Variants in IMMT observed in about 807,000 individuals in gnomAD.
The protein encoded by IMMT is MICOS complex subunit MIC60.
IMMT carries 40 observed loss-of-function variants against 92.7 expected under a neutral mutation model. The observed-to-expected ratio is 0.43, with a 90% CI of 0.34 to 0.56. The LOEUF is 0.56. IMMT is among the 20% of genes least tolerant of loss of function. IMMT has a pLI of 0.03. For missense variants in IMMT, 831 were observed against 912.1 expected (o/e 0.91, Z 1.14); for synonymous variants, 322 against 336.1 (o/e 0.96, Z 0.46).
intron 8 of IMMT, 72 bp downstream of exon 8, chr2:86,161,904 T>C (rs977645291): frequency 2.2e-6 from 2 of 916,362 alleles, no homozygotes; most frequent in Admixed American, 2.0e-5. Context: ...ATACAGACAA[T>C]ACAAAGAAAA....
At chr2:86,171,184 A>T in intron 5 of IMMT, 24 bp downstream of exon 5, 1 of 1,557,542 alleles carries the variant, frequency 6.4e-7, no homozygotes, top group Non-Finnish European at 8.7e-7. Context: ...TGTATAAAAG[A>T]ACAAATAGAA....
At chr2:86,179,186 C>T (rs1346794309) in intron 3 of IMMT, among the ~76,000 whole-genome samples, 3 of 152,130 alleles carry the variant, frequency 2.0e-5, no homozygotes, top group Non-Finnish European at 2.9e-5. Flanking sequence ...ACAGCATTTA[C>T]AATGTATTAG....
chr2:86,184,679 G>A (rs1261268500), intron 1 of IMMT, among the ~76,000 whole-genome samples: 1 of 151,214 alleles, frequency 6.6e-6, no homozygotes, highest in Non-Finnish European at 1.5e-5. Flanking sequence ...ACCTTGAAGA[G>A]ACTGTGAGCA....
Position 86,195,379 on chromosome 2 carries a change from G to C in IMMT, c.4C>G (p.Leu2Val). M[L>V]RACQLSGVTA... Reference sequence around the variant, plus strand: ...ACACCCGATAACTGACAGGCCCGCAGCATCTCGGTCAAGCGGACGGCGCTG... The same window carrying C: ...ACACCCGATAACTGACAGGCCCGCACCATCTCGGTCAAGCGGACGGCGCTG... The change falls in exon 1 of 15, where the codon CTG becomes GTG. Residue 2 changes from leucine to valine, a missense_variant. By Grantham distance (32) the Leu-to-Val change is conservative. Coordinates refer to ENST00000410111, the MANE Select transcript of IMMT (RefSeq NM_006839.3). The C allele has an allele frequency of 1.9e-6, 3 of 1,549,222 alleles. No individual in the cohort carries two copies. The highest frequency in any genetic ancestry group is 2.4e-5 in the South Asian group (2 of 83,702).
At chr2:86,184,055 A>G (rs192921798) in intron 1 of IMMT, among the ~76,000 whole-genome samples, 2 of 152,362 alleles carry the variant, frequency 1.3e-5, no homozygotes, top group East Asian at 3.9e-4. Context: ...GCCCTCTAGT[A>G]ATATGAAAGT....
intron 14 of IMMT, among the ~76,000 whole-genome samples, chr2:86,145,513 AAAAAAG>A: frequency 6.6e-6 from 1 of 150,890 alleles, no homozygotes; most frequent in African/African-American, 2.5e-5. Flanking sequence ...AAAAAAAAAA[AAAAAAG>A]AAATGGGAGA....
intron 6 of IMMT, among the ~76,000 whole-genome samples, chr2:86,170,206 G>C (rs1676983642): frequency 6.6e-6 from 1 of 152,214 alleles, no homozygotes; most frequent in African/African-American, 2.4e-5. Flanking sequence ...CTTGAGCCCA[G>C]GAGTACGAGA....
intron 7 of IMMT, among the ~76,000 whole-genome samples, chr2:86,163,965 A>G (rs1416237967): frequency 1.3e-5 from 2 of 151,376 alleles, no homozygotes; most frequent in Non-Finnish European, 2.9e-5. Context: ...TCTCCAAAAA[A>G]AAAGAATGTT....
At chr2:86,175,057 A>G (rs1677338459) in intron 3 of IMMT, among the ~76,000 whole-genome samples, 1 of 152,200 alleles carries the variant, frequency 6.6e-6, no homozygotes, top group South Asian at 2.1e-4. Context: ...AGTGATTCAC[A>G]TTCTCATAAT....
Position 86,159,633 on chromosome 2 carries a change from G to A in IMMT, c.935C>T (p.Ala312Val), listed in dbSNP as rs1224706726. The change falls in exon 9 of 15, where the codon GCA becomes GTA. Residue 312 changes from alanine to valine, a missense_variant. Ala to Val is a moderately conservative substitution (Grantham distance 64). Coordinates refer to ENST00000410111, the MANE Select transcript of IMMT (RefSeq NM_006839.3). ...LEKMKSVIEN[A>V]KKKEVAGAKP... ...GGCCCCAGCAACCTCTTTTTTCTTT[G>A]CATTTTCAATCACACTTTTCATCTT... The A allele has an allele frequency of 7.0e-6, 11 of 1,578,170 alleles. No homozygotes were observed. Among genetic ancestry groups the A allele is most frequent in the Middle Eastern group, 1.7e-4 (1 of 5,874 alleles).
intron 12 of IMMT, among the ~76,000 whole-genome samples, chr2:86,148,625 A>T (rs13019073): frequency 0.44 from 66,419 of 151,964 alleles, 15,235 homozygotes; most frequent in Non-Finnish European, 0.51. Flanking sequence ...AAGAAAAAAG[A>T]AAAGAAAATT....
intron 1 of IMMT, chr2:86,195,073 G>C (rs982243526): frequency 2.5e-6 from 1 of 405,856 alleles, no homozygotes; most frequent in East Asian, 3.7e-5. Flanking sequence ...CGGGGGCAGC[G>C]CGGCCCTGAT....
At chr2:86,157,762 T>C (rs1573894523) in intron 10 of IMMT, among the ~76,000 whole-genome samples, 1 of 127,052 alleles carries the variant, frequency 7.9e-6, no homozygotes, top group Non-Finnish European at 1.6e-5. Context: ...CACTCCGGCC[T>C]GGGCAACAAG....
intron 13 of IMMT, 94 bp from the exon 14 acceptor site, chr2:86,146,291 G>A: frequency 9.8e-7 from 1 of 1,021,586 alleles, no homozygotes; most frequent in Non-Finnish European, 1.4e-6. Flanking sequence ...CTGAAGCAAA[G>A]AGGGCCTTAG....
At chr2:86,167,356 G>A (rs1286952905) in intron 6 of IMMT, among the ~76,000 whole-genome samples, 2 of 147,724 alleles carry the variant, frequency 1.4e-5, no homozygotes, top group African/African-American at 5.0e-5. Context: ...GTATTTCTTA[G>A]TAGAGACGGG....
chr2:86,179,513 TC>T lies in IMMT; in HGVS notation c.228del (p.Thr78ProfsTer32). On this transcript the variant is annotated frameshift_variant, in exon 3 of 15. Transcript: ENST00000410111. LOFTEE classifies it high-confidence loss of function. Reference sequence around the variant, plus strand: ...AGTTTGTCTGAGTAAGGTATGGTTTTCTCTACACTTTCCCGGAAATGGGAAT... The same window carrying T: ...AGTTTGTCTGAGTAAGGTATGGTTTTTCTACACTTTCCCGGAAATGGGAAT... The part of the protein sequence containing the change: ...KWDSHFRESV[E>X]KTIPYSDKLF... The T allele has an allele frequency of 1.9e-6, 3 of 1,613,492 alleles. No homozygotes were observed. Among genetic ancestry groups the T allele is most frequent in the Non-Finnish European group, 2.5e-6 (3 of 1,179,692 alleles).
At chr2:86,189,709 C>A (rs1454466796) in intron 1 of IMMT, among the ~76,000 whole-genome samples, 5 of 152,094 alleles carry the variant, frequency 3.3e-5, no homozygotes, top group Non-Finnish European at 5.9e-5. Context: ...TCCTCCCACA[C>A]AAACGAAAAA....
At chr2:86,149,642 C>G (rs1046390807) in intron 12 of IMMT, among the ~76,000 whole-genome samples, 1 of 152,168 alleles carries the variant, frequency 6.6e-6, no homozygotes. Context: ...CCGTGGGAGG[C>G]CAAGGCAGGT....
chr2:86,157,693 CAGG>C, intron 10 of IMMT, among the ~76,000 whole-genome samples: 1 of 149,344 alleles, frequency 6.7e-6, no homozygotes. Flanking sequence ...TAGGCTGAGG[CAGG>C]AGAATTGCTT....
Sources: allele counts gnomAD v4.1 joint callset (sites outside exome capture counted in the v4.1 genomes callset), GRCh38; gene constraint gnomAD v4.1.1; transcripts MANE v1.5; gene names NCBI Gene and HGNC (gene_info 2026-07-23, HGNC 2026-07-21).